ITFG1: variants seen among roughly 807,000 people sequenced by gnomAD.
ITFG1 encodes the protein integrin alpha FG-GAP repeat containing 1.
In ITFG1, 34 loss-of-function variants were observed where a neutral mutation model predicts 81.8. The ratio of observed to expected loss-of-function variants is 0.42; its 90% CI spans 0.32 to 0.55. The LOEUF is 0.55. Ranked by LOEUF, ITFG1 falls within the 20% of genes least tolerant of loss-of-function variation. The probability of loss-of-function intolerance (pLI) is 0.17; values close to 1 mark genes in which losing one functional copy is unlikely to be tolerated. For synonymous variants in ITFG1, 285 were observed against 270.6 expected, an observed-to-expected ratio of 1.05 and a Z score of -0.52; for missense variants, 672 against 755.4, an observed-to-expected ratio of 0.89 and a Z score of 1.29.
rs532086352 is a variant in ITFG1, at chr16:47,304,346, A to G, written c.1070+6894T>C. ...GTAGGTATAACCACCTTCATTTTAT[A>G]AATTTACAGGTACATAGACAGGTCA... is the stretch of plus-strand genomic sequence containing the variant. On this transcript the variant is annotated intron_variant, in intron 10 of 17. Transcript: ENST00000320640. Among the ~76,000 whole-genome samples the G allele has an allele frequency of 1.5e-4, 23 of 152,340 alleles. No individual in the cohort carries two copies. The East Asian group carries it at 4.4e-3, about 29-fold the overall frequency.
intron 10 of ITFG1, among the ~76,000 whole-genome samples, chr16:47,268,523 A>G (rs977287291): frequency 6.6e-5 from 10 of 152,236 alleles, no homozygotes; most frequent in Non-Finnish European, 1.5e-5. Flanking sequence ...CCAGTGTTAA[A>G]CACCCAAATG....
intron 6 of ITFG1, 63 bp downstream of exon 6, chr16:47,428,741 A>T (rs922991899): frequency 5.3e-6 from 5 of 940,172 alleles, no homozygotes; most frequent in Non-Finnish European, 8.7e-6. Flanking sequence ...CAAAGTGTAC[A>T]GTAAATAAAA....
intron 10 of ITFG1, among the ~76,000 whole-genome samples, chr16:47,297,009 G>C (rs955569875): frequency 6.6e-6 from 1 of 152,112 alleles, no homozygotes; most frequent in African/African-American, 2.4e-5. Context: ...GTCAGTTGCT[G>C]TGAGTGGCAT....
At chr16:47,311,888 C>T (rs949340542) in intron 9 of ITFG1, 1 of 152,500 alleles carries the variant, frequency 6.6e-6, no homozygotes, top group African/African-American at 2.4e-5. Flanking sequence ...GTGTCTCTTA[C>T]ACATGCAGAT....
At chr16:47,411,744 T>C (rs536181344) in intron 6 of ITFG1, among the ~76,000 whole-genome samples, 3 of 152,034 alleles carry the variant, frequency 2.0e-5, no homozygotes, top group East Asian at 3.9e-4. Context: ...GTCCTAATGA[T>C]TGGAGGTGGC....
intron 10 of ITFG1, 117 bp downstream of exon 10, chr16:47,311,123 G>T: frequency 1.6e-6 from 1 of 631,944 alleles, no homozygotes; most frequent in South Asian, 3.2e-5. Flanking sequence ...AGCTCACCAT[G>T]TTCCTTATTT....
In ITFG1 at chr16:47,158,991, C is replaced by A; in HGVS notation, c.1662-1G>T. ...TGTAAGATACAGTTTGGCACTCCAA[C>A]TGTAGATAAAAACAGAACAAATTAA... On this transcript the variant is annotated splice_acceptor_variant, in intron 16 of 17. Coordinates refer to ENST00000320640, the MANE Select transcript of ITFG1 (RefSeq NM_030790.5). LOFTEE classifies it high-confidence loss of function. 6.9e-7 allele frequency: 1 copy of A among 1,439,228 alleles called. No individual in the cohort carries two copies. The highest frequency in any genetic ancestry group is 9.5e-7 in the Non-Finnish European group (1 of 1,057,706). The allele number at this position is 1,439,228 out of a possible 1,614,324, so 89.2% of individuals were successfully genotyped here. A position where few individuals can be genotyped will look rare whatever the true frequency, so the allele number is the denominator to read the frequency against.
intron 10 of ITFG1, among the ~76,000 whole-genome samples, chr16:47,304,025 T>G (rs1285843442): frequency 6.6e-6 from 1 of 152,192 alleles, no homozygotes; most frequent in African/African-American, 2.4e-5. Flanking sequence ...AAAAAAAAAT[T>G]CTTAGATTGA....
intron 12 of ITFG1, 113 bp from the exon 13 acceptor site, chr16:47,238,121 G>A: frequency 1.6e-6 from 1 of 623,576 alleles, no homozygotes; most frequent in Non-Finnish European, 2.8e-6. Flanking sequence ...ATCACAAGCA[G>A]AAACCAATTC....
intron 10 of ITFG1, among the ~76,000 whole-genome samples, chr16:47,268,292 T>C (rs899046566): frequency 8.5e-5 from 13 of 152,112 alleles, no homozygotes; most frequent in Non-Finnish European, 1.3e-4. Flanking sequence ...ATAAGTTAGA[T>C]GAAATGGACG....
Position 47,405,037 on chromosome 16 carries a change from T to C in ITFG1, c.655+23767A>G, listed in dbSNP as rs560462204. ...ACTCAATTCATGGCTGGTCATATAA[T>C]ATATGTCACAAATATCGTCTCCCAA... On this transcript the variant is annotated intron_variant, in intron 6 of 17. Transcript: ENST00000320640. 3.3e-5 allele frequency among the ~76,000 whole-genome samples: 5 copies of C among 152,306 alleles called. No individual in the cohort carries two copies. In the East Asian group the frequency reaches 5.8e-4, roughly 18 times the overall value.
chr16:47,215,609 T>C (rs1020287725), intron 14 of ITFG1, among the ~76,000 whole-genome samples: 1 of 152,140 alleles, frequency 6.6e-6, no homozygotes, highest in African/African-American at 2.4e-5. Context: ...CAAGAGATAA[T>C]TGTGGTAACA....
Position 47,161,781 on chromosome 16 carries a change from C to A in ITFG1, c.1630G>T (p.Val544Phe). ...GGGACATTGTGAGGGTATGGAATGA[C>A]AATTAGCTGGGAATTTGGAATGATT... ...TAIIPNSQLIVIPYPHNVPRS... is the reference protein window; with the variant it reads ...TAIIPNSQLIFIPYPHNVPRS... The change falls in exon 16 of 18, where the codon GTC becomes TTC. Residue 544 changes from valine (V) to phenylalanine (F), a missense_variant. By Grantham distance (50) the Val-to-Phe change is conservative. Coordinates refer to ENST00000320640, the MANE Select transcript of ITFG1 (RefSeq NM_030790.5). The A allele has an allele frequency of 1.2e-6, 2 of 1,612,080 alleles. No individual in the cohort carries two copies. Among genetic ancestry groups the A allele is most frequent in the Non-Finnish European group, 1.7e-6 (2 of 1,178,314 alleles).
intron 5 of ITFG1, among the ~76,000 whole-genome samples, chr16:47,443,393 A>G (rs1193681864): frequency 3.3e-5 from 5 of 152,212 alleles, no homozygotes; most frequent in Non-Finnish European, 1.5e-5. Flanking sequence ...ACGTCCCATT[A>G]CTGGGTATAT....
At chr16:47,345,588 T>C (rs1168861573) in intron 8 of ITFG1, among the ~76,000 whole-genome samples, 1 of 152,192 alleles carries the variant, frequency 6.6e-6, no homozygotes, top group African/African-American at 2.4e-5. Context: ...CATCAGCCAC[T>C]GTGCCCAGCC....
intron 14 of ITFG1, among the ~76,000 whole-genome samples, chr16:47,179,139 C>T (rs1965067456): frequency 3.3e-5 from 5 of 152,130 alleles, no homozygotes; most frequent in Admixed American, 3.3e-4. Context: ...GGACTGTAAA[C>T]TAGTTCAACC....
At chr16:47,404,798 T>G (rs1282682892) in intron 6 of ITFG1, among the ~76,000 whole-genome samples, 1 of 152,196 alleles carries the variant, frequency 6.6e-6, no homozygotes, top group African/African-American at 2.4e-5. Context: ...TCACTTGTAA[T>G]CAAAGCAGTC....
At chr16:47,404,634 T>C (rs1968705418) in intron 6 of ITFG1, among the ~76,000 whole-genome samples, 1 of 152,210 alleles carries the variant, frequency 6.6e-6, no homozygotes, top group African/African-American at 2.4e-5. Context: ...CATACACGTA[T>C]GCATACACAC....
At position 47,155,777 on chromosome 16, in the gene ITFG1, T is replaced by C. The variant is rs757277297; in HGVS notation, c.1781A>G (p.Lys594Arg). 1 of 1,605,688 alleles carries C rather than the reference T, an allele frequency of 6.2e-7. No individual in the cohort carries two copies. The highest frequency in any genetic ancestry group is 2.2e-5 in the East Asian group (1 of 44,490). Residue 594 changes from lysine (K) to arginine (R), a missense_variant and splice_region_variant, in exon 18 of 18, where the codon AAA becomes AGA. By Grantham distance (26) the Lys-to-Arg change is conservative. Around this residue, in one of 3 missense-constraint regions of ITFG1, gnomAD observed 65 missense variants for 103.3 expected, o/e 0.63. Coordinates refer to ENST00000320640, the MANE Select transcript of ITFG1 (RefSeq NM_030790.5). ...TTGTCGTTTTTCTCTATCATCTGCT[T>C]TCTGAAAAAGAATTTTAGACTCGTT... ...IIGILHWQEK[K>R]ADDREKRQEA...
Sources: allele counts gnomAD v4.1 joint callset (sites outside exome capture counted in the v4.1 genomes callset), GRCh38; gene constraint gnomAD v4.1.1; regional missense constraint gnomAD v4.1.1; transcripts MANE v1.5; gene names NCBI Gene and HGNC (gene_info 2026-07-23, HGNC 2026-07-21).